Variants in GJC1 observed in about 807,000 individuals in gnomAD.
GJC1 encodes the protein gap junction protein gamma 1.
Under a neutral mutation model 29.3 loss-of-function variants are expected in GJC1, and 5 were observed. That is an observed-to-expected ratio of 0.17 (90% CI 0.09 to 0.36). GJC1 has a LOEUF of 0.36. Among genes scored for constraint, GJC1 ranks in the 10% least tolerant of loss-of-function variants. The pLI is 1.00. For missense variants in GJC1, 310 were observed against 496.2 expected, an observed-to-expected ratio of 0.62 and a Z score of 3.56; for synonymous variants, 177 against 183.3, an observed-to-expected ratio of 0.97 and a Z score of 0.28.
rs757228238 is a variant in GJC1 at position 44,803,724 on chromosome 17, G to A, written c.*903C>T. On this transcript the variant is annotated 3_prime_UTR_variant, in exon 3 of 3. Coordinates refer to ENST00000592524, the MANE Select transcript of GJC1 (RefSeq NM_005497.4). ...ATAGAGGCTTAAGGCAAATCAAACA[G>A]GTTCACAACTAAGCAGCCTATTAGG... 6.6e-6 allele frequency: 1 copy of A among 152,148 alleles called. No homozygotes were observed. The highest frequency in any genetic ancestry group is 1.5e-5 in the Non-Finnish European group (1 of 68,022). 9.4% of individuals were successfully genotyped at this position (152,148 alleles called of 1,614,324 possible).
chr17:44,831,077 G>T (rs1203999454), upstream of GJC1, among the ~76,000 whole-genome samples: 6 of 152,184 alleles, frequency 3.9e-5, no homozygotes, highest in South Asian at 1.2e-3. Context: ...GCATCAGAAT[G>T]CCGATGGACA....
intron 1 of GJC1, among the ~76,000 whole-genome samples, chr17:44,809,129 C>T (rs1257218497): frequency 1.3e-5 from 2 of 152,122 alleles, no homozygotes; most frequent in African/African-American, 2.4e-5. Flanking sequence ...GGCATGGTGG[C>T]TCACACCTGT....
At chr17:44,826,474 G>A (rs1180186606) in intron 1 of GJC1, among the ~76,000 whole-genome samples, 1 of 151,652 alleles carries the variant, frequency 6.6e-6, no homozygotes, top group East Asian at 1.9e-4. Flanking sequence ...AGCTTGTGGT[G>A]AGCAGAGATC....
chr17:44,800,379 A>G lies in GJC1; in HGVS notation c.*4248T>C, dbSNP rs927300640. ...CACCTTGGCCTCCCAAAGTGCTGGG[A>G]TTACAGGCGTGAGCCACCATGCCTG... On this transcript the variant is annotated 3_prime_UTR_variant, in exon 3 of 3. Transcript: ENST00000592524. 7 of 152,164 alleles carry G rather than the reference A, an allele frequency of 4.6e-5. No homozygotes were observed. The highest frequency in any genetic ancestry group is 1.7e-4 in the African/African-American group (7 of 41,446). The allele number at this position is 152,164 out of a possible 1,614,324, so 9.4% of individuals were successfully genotyped here. A position where few individuals can be genotyped will look rare whatever the true frequency, so the allele number is the denominator to read the frequency against.
chr17:44,826,019 C>T (rs1030611321), intron 1 of GJC1, among the ~76,000 whole-genome samples: 1 of 152,076 alleles, frequency 6.6e-6, no homozygotes, highest in African/African-American at 2.4e-5. Flanking sequence ...CTCCCAGGTT[C>T]AAGCCATTTG....
rs2049824269 is a variant in GJC1 at position 44,800,067 on chromosome 17, T to C, written c.*4560A>G. The C allele has an allele frequency of 6.6e-6, 1 of 152,202 alleles. No individual in the cohort carries two copies. The highest frequency in any genetic ancestry group is 1.5e-5 in the Non-Finnish European group (1 of 68,040). 9.4% of individuals were successfully genotyped at this position (152,202 alleles called of 1,614,324 possible). On this transcript the variant is annotated 3_prime_UTR_variant, in exon 3 of 3. Coordinates refer to ENST00000592524, the MANE Select transcript of GJC1 (RefSeq NM_005497.4). ...TGAATTATTACATATTTATTACACA[T>C]AAATGAGTTTAAATTTTATTTCCAA...
At position 44,802,898 on chromosome 17, in the gene GJC1, G is replaced by T. The variant is rs1472786389; in HGVS notation, c.*1729C>A. The T allele has an allele frequency of 6.6e-6, 1 of 152,206 alleles. No homozygotes were observed. Among genetic ancestry groups the T allele is most frequent in the African/African-American group, 2.4e-5 (1 of 41,438 alleles). 9.4% of individuals were successfully genotyped at this position (152,206 alleles called of 1,614,324 possible). ...CATGCCTGTAGTCCCAGCTAATCAAGAGGCTGAGGTGGAATGATTGCTTGA... is the reference window on the plus strand; with the variant it reads ...CATGCCTGTAGTCCCAGCTAATCAATAGGCTGAGGTGGAATGATTGCTTGA... On this transcript the variant is annotated 3_prime_UTR_variant, in exon 3 of 3. Transcript: ENST00000592524.
Position 44,798,522 on chromosome 17 carries a change from C to T in GJC1, c.*6105G>A, listed in dbSNP as rs1046125313. The T allele has an allele frequency of 6.6e-6, 1 of 152,174 alleles. No homozygotes were observed. Among genetic ancestry groups the T allele is most frequent in the Non-Finnish European group, 1.5e-5 (1 of 68,028 alleles). The allele number at this position is 152,174 out of a possible 1,614,324, so 9.4% of individuals were successfully genotyped here. A position where few individuals can be genotyped will look rare whatever the true frequency, so the allele number is the denominator to read the frequency against. ...GGCCCTGAGCACACAGAGTCCGTCT[C>T]CACCATGAAAATATTACATAAGCTG... is the stretch of plus-strand genomic sequence containing the variant. On this transcript the variant is annotated 3_prime_UTR_variant, in exon 3 of 3. Coordinates refer to ENST00000592524, the MANE Select transcript of GJC1 (RefSeq NM_005497.4).
chr17:44,797,695 T>G (rs2049792619), downstream of GJC1: 1 of 152,080 alleles, frequency 6.6e-6, no homozygotes, highest in East Asian at 1.9e-4. Context: ...TTAAAAACAG[T>G]TTTCAAACTC....
chr17:44,819,256 A>T (rs1316968295), intron 1 of GJC1, among the ~76,000 whole-genome samples: 2 of 152,082 alleles, frequency 1.3e-5, no homozygotes, highest in Admixed American at 6.6e-5. Flanking sequence ...GGTTGTGACT[A>T]CCTAATTATC....
In GJC1 at chr17:44,805,903, T is replaced by TA; in HGVS notation, c.-20-67dup. ...ATTAAATCTTAATTTAATTACTAAT[T>TA]ATGATATCTCTAGGAACTACTGCTT... On this transcript the variant is annotated intron_variant, in intron 2 of 2. Coordinates refer to ENST00000592524, the MANE Select transcript of GJC1 (RefSeq NM_005497.4). This position sits in a 1 kb window ranked among gnomAD's most constrained non-coding sequence, Gnocchi z 5.1. 1.4e-6 allele frequency: 1 copy of TA among 735,030 alleles called. No individual in the cohort carries two copies. The highest frequency in any genetic ancestry group is 2.7e-5 in the East Asian group (1 of 36,796). The allele number at this position is 735,030 out of a possible 1,614,324, so 45.5% of individuals were successfully genotyped here. A position where few individuals can be genotyped will look rare whatever the true frequency, so the allele number is the denominator to read the frequency against.
downstream of GJC1, among the ~76,000 whole-genome samples, chr17:44,796,879 G>C (rs570766720): frequency 6.6e-6 from 1 of 151,960 alleles, no homozygotes; most frequent in Admixed American, 6.6e-5. Context: ...TCTCGCTCTT[G>C]CTCTGTCATC....
rs375940513 is a variant in GJC1, at chr17:44,804,681, G to T, written c.1137C>A (p.Asn379Lys). 1 of 1,614,156 alleles carries T rather than the reference G, an allele frequency of 6.2e-7. No homozygotes were observed. Among genetic ancestry groups the T allele is most frequent in the Non-Finnish European group, 8.5e-7 (1 of 1,180,022 alleles). The stretch of plus-strand genomic sequence containing the variant: ...CTGATTTGCTACTGGCAGTGCTTTT[G>T]TTGGACCCAGCTTTGGACCCCACTT... The part of the protein sequence containing the change: ...KAKVGSKAGS[N>K]KSTASSKSGD... The change falls in exon 3 of 3, where the codon AAC (asparagine) becomes AAA (lysine). Residue 379 changes from asparagine to lysine, a missense_variant. Coordinates refer to ENST00000592524, the MANE Select transcript of GJC1 (RefSeq NM_005497.4).
At chr17:44,820,097 G>A (rs994697139) in intron 1 of GJC1, among the ~76,000 whole-genome samples, 4 of 152,008 alleles carry the variant, frequency 2.6e-5, no homozygotes, top group African/African-American at 7.3e-5. Context: ...ATTGGTTGAG[G>A]AACATTATCT....
chr17:44,816,288 GTGC>G (rs2050043273), intron 1 of GJC1, among the ~76,000 whole-genome samples: 1 of 151,922 alleles, frequency 6.6e-6, no homozygotes, highest in Admixed American at 6.6e-5. Context: ...GAAACCAAAT[GTGC>G]TATTTTTAGT....
rs569214511 is a variant in GJC1 at position 44,804,474 on chromosome 17, A to C, written c.*153T>G. On this transcript the variant is annotated 3_prime_UTR_variant, in exon 3 of 3. Transcript: ENST00000592524. ...TGTTTCCCTTTCTCTCCCTCAGCCC[A>C]GCCCCGCCTCCAGAGTCCCCTGAGC... The C allele has an allele frequency of 1.4e-5, 9 of 628,180 alleles. No individual in the cohort carries two copies. Among genetic ancestry groups the C allele is most frequent in the Admixed American group, 1.2e-4 (4 of 33,560 alleles). 38.9% of individuals were successfully genotyped at this position (628,180 alleles called of 1,614,324 possible). A position where few individuals can be genotyped will look rare whatever the true frequency, so the allele number is the denominator to read the frequency against.
chr17:44,806,543 T>C (rs987481887), intron 2 of GJC1, among the ~76,000 whole-genome samples: 5 of 151,610 alleles, frequency 3.3e-5, no homozygotes, highest in African/African-American at 1.2e-4. Context: ...GGGATTACAG[T>C]CATGCACCAT....
intron 1 of GJC1, among the ~76,000 whole-genome samples, chr17:44,827,867 A>T (rs2050193320): frequency 6.6e-6 from 1 of 152,206 alleles, no homozygotes; most frequent in East Asian, 1.9e-4. Context: ...CCATCTCAAA[A>T]AAAAAAGGAA....
upstream of GJC1, chr17:44,830,605 G>T (rs1047068143): frequency 4.3e-5 from 17 of 398,500 alleles, no homozygotes; most frequent in Non-Finnish European, 7.1e-5. The surrounding 1 kb of genome is among the most constrained non-coding windows in gnomAD (Gnocchi z 4.3). Flanking sequence ...AGTTTGAGCG[G>T]GCCGCTAACG....
Sources: gnomAD v4.1 joint callset for allele counts (sites outside exome capture counted in the v4.1 genomes callset) on GRCh38, gnomAD v4.1.1 for gene constraint, Gnocchi (gnomAD v3.1) non-coding constraint, MANE v1.5 for transcripts, NCBI Gene and HGNC (gene_info 2026-07-23, HGNC 2026-07-21) for gene names.